Variants in EXOC4 observed in about 807,000 individuals in gnomAD.
The protein encoded by EXOC4 is exocyst complex component 4.
In EXOC4, 71 loss-of-function variants were observed where a neutral mutation model predicts 107.2. That is an observed-to-expected ratio of 0.66 (90% CI 0.55 to 0.81). EXOC4 has a LOEUF of 0.81. Among genes scored for constraint, EXOC4 ranks in the 30% least tolerant of loss-of-function variants. The pLI is 0.00. For missense variants in EXOC4, 1,108 were observed against 1,189.6 expected (o/e 0.93, Z 1.01); for synonymous variants, 456 against 441.2 (o/e 1.03, Z -0.42).
intron 9 of EXOC4, among the ~76,000 whole-genome samples, chr7:133,520,164 T>A (rs1270675386): frequency 6.6e-6 from 1 of 152,230 alleles, no homozygotes; most frequent in African/African-American, 2.4e-5. Flanking sequence ...AAAAATTTAA[T>A]TGAATAATGT....
At chr7:133,969,760 A>T (rs1315543389) in intron 14 of EXOC4, among the ~76,000 whole-genome samples, 1 of 152,134 alleles carries the variant, frequency 6.6e-6, no homozygotes, top group Non-Finnish European at 1.5e-5. Flanking sequence ...GCTCTCCTGT[A>T]TGAGGTGTCT....
chr7:133,640,867 TC>T, intron 10 of EXOC4, among the ~76,000 whole-genome samples: 1 of 104,356 alleles, frequency 9.6e-6, no homozygotes, highest in African/African-American at 3.8e-5. Flanking sequence ...ATTCTCTCTC[TC>T]TCTCTTTTTT....
At chr7:133,993,868 A>G (rs571265911) in intron 14 of EXOC4, among the ~76,000 whole-genome samples, 22 of 152,230 alleles carry the variant, frequency 1.4e-4, no homozygotes, top group Admixed American at 9.1e-4. Flanking sequence ...GCCACAAAAG[A>G]CTCTACTTAG....
chr7:133,533,585 A>G (rs1327369309), intron 9 of EXOC4, among the ~76,000 whole-genome samples: 3 of 152,286 alleles, frequency 2.0e-5, no homozygotes, highest in African/African-American at 7.2e-5. Context: ...ACGCTATTCT[A>G]TACCTAGCTC....
rs185887947 is a variant in EXOC4, at chr7:133,324,963, A to G, written c.763+7573A>G. Among the ~76,000 whole-genome samples, 48 of 152,284 alleles carry G rather than the reference A, an allele frequency of 3.2e-4. 3 individuals carry two copies. Among genetic ancestry groups the G allele is most frequent in the African/African-American group, 1.2e-3 (48 of 41,558 alleles). ...TGAATTGATCCCTTTACCATTATGT[A>G]ATGGCCTTCTTTGTCTCTTTTGATC... On this transcript the variant is annotated intron_variant, in intron 5 of 17. Transcript: ENST00000253861.
chr7:133,474,917 C>T (rs1798975280), intron 7 of EXOC4, among the ~76,000 whole-genome samples: 1 of 152,096 alleles, frequency 6.6e-6, no homozygotes, highest in African/African-American at 2.4e-5. Flanking sequence ...ATACATTTTA[C>T]ATGGATTAGC....
At chr7:133,723,493 T>TCTTTTTTG (rs1554392478) in intron 10 of EXOC4, among the ~76,000 whole-genome samples, 4 of 150,894 alleles carry the variant, frequency 2.7e-5, no homozygotes, top group Non-Finnish European at 5.9e-5. Flanking sequence ...TTTCTTTCTT[T>TCTTTTTTG]TTTGTTTGTT....
intron 10 of EXOC4, among the ~76,000 whole-genome samples, chr7:133,749,198 T>G (rs1562981579): frequency 6.6e-6 from 1 of 152,160 alleles, no homozygotes; most frequent in Non-Finnish European, 1.5e-5. Flanking sequence ...TGCCCTGCTC[T>G]TTTGTTTGAG....
chr7:133,918,166 G>A (rs551691131), intron 13 of EXOC4, among the ~76,000 whole-genome samples: 8 of 151,894 alleles, frequency 5.3e-5, no homozygotes, highest in African/African-American at 9.7e-5. Context: ...ATTTTTAGTA[G>A]AGACGGGGTT....
At chr7:133,253,320 G>GCA in intron 1 of EXOC4, 133 bp downstream of exon 1, 1 of 1,425,118 alleles carries the variant, frequency 7.0e-7, no homozygotes, top group South Asian at 1.6e-5. Context: ...CCTCCCCAGG[G>GCA]CTCTAACCCC....
intron 10 of EXOC4, among the ~76,000 whole-genome samples, chr7:133,754,458 A>G (rs182079527): frequency 6.6e-6 from 1 of 152,234 alleles, no homozygotes; most frequent in East Asian, 1.9e-4. Flanking sequence ...GCTAGCTGGA[A>G]CCATGTCAGT....
At chr7:133,528,511 T>C (rs893878797) in intron 9 of EXOC4, among the ~76,000 whole-genome samples, 1 of 152,294 alleles carries the variant, frequency 6.6e-6, no homozygotes, top group Admixed American at 6.5e-5. Flanking sequence ...CTCTTCAGAT[T>C]GTTGTCACTG....
Position 133,331,655 on chromosome 7 carries a change from CGG to C in EXOC4, c.763+14268_763+14269del, listed in dbSNP as rs369874617. Among the ~76,000 whole-genome samples, 7 of 151,886 alleles carry C rather than the reference CGG, an allele frequency of 4.6e-5. No homozygotes were observed. In the East Asian group the frequency reaches 1.4e-3, roughly 29 times the overall value. ...TAATTTTTTGTATTTTTAGTAGAGACGGGGTTTCACCGTGTTAGCCAGGATGG... is the reference window on the plus strand; with the variant it reads ...TAATTTTTTGTATTTTTAGTAGAGACGGTTTCACCGTGTTAGCCAGGATGG... On this transcript the variant is annotated intron_variant, in intron 5 of 17. Transcript: ENST00000253861.
intron 17 of EXOC4, among the ~76,000 whole-genome samples, chr7:134,039,461 TA>T (rs1324529412): frequency 6.6e-6 from 1 of 152,218 alleles, no homozygotes; most frequent in Non-Finnish European, 1.5e-5. Context: ...TGGCTGTATT[TA>T]CTTTCTTGTT....
chr7:133,709,692 G>A (rs1041297327), intron 10 of EXOC4, among the ~76,000 whole-genome samples: 11 of 138,896 alleles, frequency 7.9e-5, no homozygotes, highest in Non-Finnish European at 1.1e-4. Context: ...TTTCAGTGTC[G>A]TCGTGAAGAC....
chr7:134,092,838 G>A, the EXOC4 span, among the ~76,000 whole-genome samples: 1 of 149,816 alleles, frequency 6.7e-6, no homozygotes, highest in South Asian at 2.1e-4. Context: ...CAGGAGAATT[G>A]CTCGAACCCA....
chr7:133,338,856 G>A (rs1380874828), intron 5 of EXOC4, among the ~76,000 whole-genome samples: 2 of 147,172 alleles, frequency 1.4e-5, no homozygotes, highest in Admixed American at 6.9e-5. Flanking sequence ...CGGTTCAAGT[G>A]ATTCTCCTGC....
intron 14 of EXOC4, among the ~76,000 whole-genome samples, chr7:133,994,694 A>G (rs911656424): frequency 2.0e-5 from 3 of 152,100 alleles, no homozygotes; most frequent in African/African-American, 7.2e-5. Flanking sequence ...CTCTTCTGAT[A>G]TGAAGGGTAA....
intron 10 of EXOC4, among the ~76,000 whole-genome samples, chr7:133,662,692 A>G (rs1738115992): frequency 6.6e-6 from 1 of 152,160 alleles, no homozygotes; most frequent in Admixed American, 6.6e-5. Context: ...TCTTTTCTAA[A>G]ATAAACAAAT....
Sources: gnomAD v4.1 joint callset for allele counts (sites outside exome capture counted in the v4.1 genomes callset) on GRCh38, gnomAD v4.1.1 for gene constraint, MANE v1.5 for transcripts, NCBI Gene and HGNC (gene_info 2026-07-23, HGNC 2026-07-21) for gene names.